The following RAB18 variants were observed in gnomAD, a reference collection of about 807,000 sequenced individuals.
RAB18 encodes the protein ras-related protein Rab-18.
In RAB18, 10 loss-of-function variants were observed where a neutral mutation model predicts 28.5. That is an observed-to-expected ratio of 0.35 (90% CI 0.22 to 0.60). The LOEUF is 0.60. Among genes scored for constraint, RAB18 ranks in the 20% least tolerant of loss-of-function variants. The pLI, the probability that RAB18 is intolerant of heterozygous loss-of-function variation, is 0.78. For missense variants in RAB18, 188 were observed against 244.2 expected (o/e 0.77, Z 1.53); for synonymous variants, 93 against 86.9 (o/e 1.07, Z -0.39).
chr10:27,523,080 C>G (rs899976255), intron 2 of RAB18, among the ~76,000 whole-genome samples: 1 of 151,864 alleles, frequency 6.6e-6, no homozygotes, highest in African/African-American at 2.4e-5. Flanking sequence ...AGTTTAGAAG[C>G]CTAGGTCATT....
chr10:27,519,521 G>T (rs1564831137), intron 2 of RAB18, among the ~76,000 whole-genome samples: 1 of 151,928 alleles, frequency 6.6e-6, no homozygotes, highest in African/African-American at 2.4e-5. Flanking sequence ...TATCAATTGT[G>T]TTTCTGTTTA....
intron 3 of RAB18, among the ~76,000 whole-genome samples, chr10:27,531,931 AC>A (rs1834796475): frequency 6.6e-6 from 1 of 152,036 alleles, no homozygotes; most frequent in African/African-American, 2.4e-5. Flanking sequence ...TTGTTCACTA[AC>A]CCTAACATGA....
chr10:27,509,660 A>G (rs922810124), intron 1 of RAB18, among the ~76,000 whole-genome samples: 13 of 152,184 alleles, frequency 8.5e-5, no homozygotes, highest in African/African-American at 2.9e-4. Context: ...AATATATTTC[A>G]TAGTAAACTA....
chr10:27,532,956 A>G (rs1261309599), intron 4 of RAB18, among the ~76,000 whole-genome samples: 1 of 152,094 alleles, frequency 6.6e-6, no homozygotes, highest in Non-Finnish European at 1.5e-5. Context: ...AATCTGCTTT[A>G]TTAGTCCTAA....
chr10:27,520,321 A>G (rs1834520695), intron 2 of RAB18, among the ~76,000 whole-genome samples: 1 of 151,912 alleles, frequency 6.6e-6, no homozygotes, highest in Non-Finnish European at 1.5e-5. Flanking sequence ...TAAAATTGGT[A>G]GTAATGACCC....
Position 27,504,334 on chromosome 10 carries a change from G to A in RAB18, c.-36G>A. On this transcript the variant is annotated 5_prime_UTR_variant, in exon 1 of 7. Coordinates refer to ENST00000356940, the MANE Select transcript of RAB18 (RefSeq NM_021252.5). ...GCTGAAGGGCTGAGAGGCGCACCCG[G>A]GCGGCCAGCTGGGCTCGGAGCGGAA... The A allele has an allele frequency of 1.9e-6, 3 of 1,559,544 alleles. No individual in the cohort carries two copies. The highest frequency in any genetic ancestry group is 2.3e-5 in the East Asian group (1 of 42,652).
intron 6 of RAB18, among the ~76,000 whole-genome samples, chr10:27,537,023 T>C (rs1214894248): frequency 1.3e-5 from 2 of 152,178 alleles, no homozygotes. Context: ...GGCAGACTTT[T>C]AGGCTGATTG....
intron 4 of RAB18, 123 bp from the exon 5 acceptor site, chr10:27,533,612 G>A: frequency 8.7e-7 from 1 of 1,147,912 alleles, no homozygotes; most frequent in Non-Finnish European, 1.2e-6. Flanking sequence ...ATTAATCGTT[G>A]AAGACAATAA....
Position 27,538,860 on chromosome 10 carries a change from C to A in RAB18, c.*809C>A, listed in dbSNP as rs1834958813. The A allele has an allele frequency of 2.2e-6, 1 of 453,814 alleles. No individual in the cohort carries two copies. Among genetic ancestry groups the A allele is most frequent in the South Asian group, 1.6e-5 (1 of 64,476 alleles). The allele number at this position is 453,814 out of a possible 1,614,324, so 28.1% of individuals were successfully genotyped here. The stretch of plus-strand genomic sequence containing the variant: ...CCTCATACACTTTTAAAACCAACAT[C>A]TTTTTTCATAAATGTTGGTAGTGTT... On this transcript the variant is annotated 3_prime_UTR_variant, in exon 7 of 7. Coordinates refer to ENST00000356940, the MANE Select transcript of RAB18 (RefSeq NM_021252.5).
Position 27,538,078 on chromosome 10 carries a change from A to G in RAB18, c.*27A>G. The G allele has an allele frequency of 4.3e-6, 7 of 1,613,496 alleles. No individual in the cohort carries two copies. Among genetic ancestry groups the G allele is most frequent in the Non-Finnish European group, 5.9e-6 (7 of 1,179,410 alleles). ...CTCTGGGAAATTCCATCTCTTGCAT[A>G]TTTGATCAGATAGTGACATCTTTCT... On this transcript the variant is annotated 3_prime_UTR_variant, in exon 7 of 7. Coordinates refer to ENST00000356940, the MANE Select transcript of RAB18 (RefSeq NM_021252.5).
intron 6 of RAB18, 73 bp downstream of exon 6, chr10:27,534,067 A>G: frequency 7.3e-7 from 1 of 1,377,614 alleles, no homozygotes; most frequent in Non-Finnish European, 1.0e-6. Flanking sequence ...TGCCAAGTTT[A>G]TTTCTTTATG....
At chr10:27,524,957 C>A (rs944082614) in intron 2 of RAB18, among the ~76,000 whole-genome samples, 1 of 152,116 alleles carries the variant, frequency 6.6e-6, no homozygotes, top group African/African-American at 2.4e-5. Flanking sequence ...GATGGCAGGA[C>A]GACAGTGTTC....
intron 3 of RAB18, 57 bp from the exon 4 acceptor site, chr10:27,532,450 A>T: frequency 7.9e-7 from 1 of 1,261,422 alleles, no homozygotes; most frequent in Non-Finnish European, 1.2e-6. Context: ...CTCTTAAACT[A>T]GTATATTGAA....
Position 27,539,595 on chromosome 10 carries a change from T to C in RAB18, c.*1544T>C. ...CACTAACACATGTACTTGTGATTTG[T>C]TCATGTTATATTAAAACTTGAGATT... is the stretch of plus-strand genomic sequence containing the variant. On this transcript the variant is annotated 3_prime_UTR_variant, in exon 7 of 7. Coordinates refer to ENST00000356940, the MANE Select transcript of RAB18 (RefSeq NM_021252.5). 3 of 443,954 alleles carry C rather than the reference T, an allele frequency of 6.8e-6. No homozygotes were observed. Among genetic ancestry groups the C allele is most frequent in the Non-Finnish European group, 1.3e-5 (3 of 224,132 alleles). 27.5% of individuals were successfully genotyped at this position (443,954 alleles called of 1,614,324 possible).
At chr10:27,509,171 G>A (rs1430852554) in intron 1 of RAB18, among the ~76,000 whole-genome samples, 3 of 151,972 alleles carry the variant, frequency 2.0e-5, no homozygotes, top group South Asian at 4.2e-4. Context: ...TAACCATGGC[G>A]GTTGTCTTCC....
intron 2 of RAB18, among the ~76,000 whole-genome samples, chr10:27,510,766 A>G (rs979234280): frequency 2.6e-5 from 4 of 152,196 alleles, no homozygotes; most frequent in African/African-American, 4.8e-5. Context: ...TGATCCTAGC[A>G]TTATTGTTAG....
chr10:27,521,828 TC>T (rs1196119180), intron 2 of RAB18, among the ~76,000 whole-genome samples: 1 of 151,298 alleles, frequency 6.6e-6, no homozygotes, highest in African/African-American at 2.4e-5. Flanking sequence ...TACCACCTCT[TC>T]CTAAAAACCT....
At chr10:27,504,718 C>T (rs897044845) in intron 1 of RAB18, 3 of 671,842 alleles carry the variant, frequency 4.5e-6, no homozygotes, top group Non-Finnish European at 8.4e-6. Flanking sequence ...CGCCGCTCGG[C>T]CGGCAGGTTT....
chr10:27,524,199 G>A (rs1834627777), intron 2 of RAB18, among the ~76,000 whole-genome samples: 1 of 152,208 alleles, frequency 6.6e-6, no homozygotes, highest in East Asian at 1.9e-4. Flanking sequence ...CAAAGTGTTG[G>A]AATTACAGGC....
Sources: gnomAD v4.1 joint callset for allele counts (sites outside exome capture counted in the v4.1 genomes callset) on GRCh38, gnomAD v4.1.1 for gene constraint, MANE v1.5 for transcripts, NCBI Gene and HGNC (gene_info 2026-07-23, HGNC 2026-07-21) for gene names.